The following VPS13B variants were observed in gnomAD, a reference collection of about 807,000 sequenced individuals.
VPS13B encodes the protein intermembrane lipid transfer protein VPS13B.
Under a neutral mutation model 426.4 loss-of-function variants are expected in VPS13B, and 285 were observed. The observed-to-expected ratio is 0.67, with a 90% confidence interval of 0.61 to 0.74. The LOEUF is 0.74. Ranked by LOEUF, VPS13B falls within the 30% of genes least tolerant of loss-of-function variation. The pLI is 0.00. For missense variants in VPS13B, 4,537 were observed against 4,782.6 expected, an observed-to-expected ratio of 0.95 and a Z score of 1.51; for synonymous variants, 1,676 against 1,676.4, an observed-to-expected ratio of 1.00 and a Z score of 0.01.
At chr8:99,303,736 A>AAAAAAAAAG (rs1420190743) in intron 19 of VPS13B, among the ~76,000 whole-genome samples, 1 of 149,692 alleles carries the variant, frequency 6.7e-6, no homozygotes, top group African/African-American at 2.5e-5. Flanking sequence ...GTCTCAAAAA[A>AAAAAAAAAG]AAAAAAAAAA....
chr8:99,287,423 T>A (rs1431798644), intron 19 of VPS13B, among the ~76,000 whole-genome samples: 1 of 152,058 alleles, frequency 6.6e-6, no homozygotes, highest in East Asian at 1.9e-4. Context: ...AACATTCTGT[T>A]GATTATGATA....
At chr8:99,467,005 G>A (rs1355635885) in intron 23 of VPS13B, among the ~76,000 whole-genome samples, 1 of 152,116 alleles carries the variant, frequency 6.6e-6, no homozygotes, top group Non-Finnish European at 1.5e-5. Flanking sequence ...TAAAGCAACA[G>A]AAACATATTG....
intron 31 of VPS13B, among the ~76,000 whole-genome samples, chr8:99,569,867 C>T (rs971367886): frequency 6.6e-6 from 1 of 152,060 alleles, no homozygotes; most frequent in Admixed American, 6.6e-5. Flanking sequence ...CTGTTATTTG[C>T]TTAGAACCTT....
intron 17 of VPS13B, among the ~76,000 whole-genome samples, chr8:99,269,740 G>A (rs1216892741): frequency 2.0e-5 from 3 of 152,092 alleles, no homozygotes; most frequent in Non-Finnish European, 4.4e-5. Flanking sequence ...GTGGTGCCCT[G>A]AGTTGTATAA....
chr8:99,154,393 T>A (rs891361771), intron 14 of VPS13B, among the ~76,000 whole-genome samples: 1 of 152,232 alleles, frequency 6.6e-6, no homozygotes, highest in Non-Finnish European at 1.5e-5. Context: ...CTTTTCAGTT[T>A]TGGCAGTTTC....
At chr8:99,728,152 G>C (rs1833430513) in intron 39 of VPS13B, among the ~76,000 whole-genome samples, 1 of 152,136 alleles carries the variant, frequency 6.6e-6, no homozygotes, top group South Asian at 2.1e-4. Context: ...AGTGAACTTT[G>C]TTAGCATGAG....
intron 33 of VPS13B, among the ~76,000 whole-genome samples, chr8:99,595,829 C>T (rs921765460): frequency 2.0e-5 from 3 of 151,792 alleles, no homozygotes; most frequent in Non-Finnish European, 2.9e-5. Context: ...GCAAATAACC[C>T]AATTTTTAAA....
intron 19 of VPS13B, among the ~76,000 whole-genome samples, chr8:99,322,236 C>T (rs1032120924): frequency 1.4e-4 from 21 of 152,186 alleles, no homozygotes; most frequent in Non-Finnish European, 2.1e-4. Context: ...TTTCATGGAA[C>T]ACTTCAGAGC....
chr8:99,125,242 C>T (rs1269968927), intron 8 of VPS13B, among the ~76,000 whole-genome samples: 4 of 152,208 alleles, frequency 2.6e-5, no homozygotes, highest in African/African-American at 7.2e-5. Flanking sequence ...TGGCAAACCA[C>T]AGGTGTAAGT....
Position 99,828,394 on chromosome 8 carries a change from G to GTTTTTTTTT in VPS13B, c.9331-3943_9331-3935dup, listed in dbSNP as rs555108452. 8.3e-3 allele frequency among the ~76,000 whole-genome samples: 145 copies of GTTTTTTTTT among 17,420 alleles called. 14 individuals are homozygous for GTTTTTTTTT. The highest frequency in any genetic ancestry group is 0.016 in the Admixed American group (20 of 1,288). The allele number at this position is 17,420 out of a possible 152,430, so 11.4% of individuals were successfully genotyped here. ...ATCAGAGACTAGGATTACAACCACC[G>GTTTTTTTTT]TTTTTTTTTTTTTTTTTTTTTTTTT... On this transcript the variant is annotated intron_variant, in intron 51 of 61. Coordinates refer to ENST00000357162, the MANE Select transcript of VPS13B (RefSeq NM_152564.5).
intron 51 of VPS13B, among the ~76,000 whole-genome samples, chr8:99,825,316 C>G (rs1163275274): frequency 2.6e-5 from 4 of 152,078 alleles, no homozygotes; most frequent in Admixed American, 2.0e-4. Flanking sequence ...TTGCATTTCT[C>G]TAATGACCAG....
At chr8:99,288,298 A>G (rs1215943837) in intron 19 of VPS13B, among the ~76,000 whole-genome samples, 1 of 152,016 alleles carries the variant, frequency 6.6e-6, no homozygotes, top group Admixed American at 6.6e-5. Flanking sequence ...TAATGGGATT[A>G]TGGGTCAACT....
intron 16 of VPS13B, among the ~76,000 whole-genome samples, chr8:99,185,823 T>C (rs951148261): frequency 6.6e-6 from 1 of 152,214 alleles, no homozygotes; most frequent in Admixed American, 6.5e-5. Context: ...AATTTTTTTT[T>C]ATAGAAATGC....
At chr8:99,222,153 T>G (rs890904702) in intron 17 of VPS13B, among the ~76,000 whole-genome samples, 2 of 152,086 alleles carry the variant, frequency 1.3e-5, no homozygotes, top group African/African-American at 4.8e-5. Flanking sequence ...GAATGAAGAG[T>G]ACCAAATATG....
intron 19 of VPS13B, among the ~76,000 whole-genome samples, chr8:99,367,839 A>C (rs914325599): frequency 7.2e-5 from 11 of 152,058 alleles, no homozygotes; most frequent in African/African-American, 2.7e-4. Flanking sequence ...TTTTTAGTAG[A>C]GACAGGGTTT....
chr8:99,832,341 A>ATGTTTTTTTTTTTTTTTTTT, intron 51 of VPS13B, 28 bp from the exon 52 acceptor site: 1 of 1,192,552 alleles, frequency 8.4e-7, no homozygotes. Flanking sequence ...TGCTCTCTGC[A>ATGTTTTTTTTTTTTTTTTTT]TTTTTTTTTT....
intron 39 of VPS13B, among the ~76,000 whole-genome samples, chr8:99,735,367 C>T (rs113568616): frequency 1.9e-3 from 288 of 151,986 alleles, no homozygotes; most frequent in African/African-American, 6.5e-3. Context: ...AGGTCAGACT[C>T]GATTAGAGTG....
intron 33 of VPS13B, among the ~76,000 whole-genome samples, chr8:99,591,095 C>T (rs548918270): frequency 6.6e-5 from 10 of 150,524 alleles, no homozygotes; most frequent in Middle Eastern, 6.9e-3. Context: ...ATGTAATGGC[C>T]TTCTTTGTCT....
intron 17 of VPS13B, among the ~76,000 whole-genome samples, chr8:99,266,765 C>A (rs1818328983): frequency 6.6e-6 from 1 of 152,142 alleles, no homozygotes; most frequent in Non-Finnish European, 1.5e-5. Context: ...GTTTTTCCCC[C>A]TTTGCTTAGC....
Sources: allele counts gnomAD v4.1 joint callset (sites outside exome capture counted in the v4.1 genomes callset), GRCh38; gene constraint gnomAD v4.1.1; transcripts MANE v1.5; gene names NCBI Gene and HGNC (gene_info 2026-07-23, HGNC 2026-07-21).